The following KCNJ6 variants were observed in gnomAD, a reference collection of about 807,000 sequenced individuals.
KCNJ6 encodes the protein potassium inwardly rectifying channel subfamily J member 6.
KCNJ6 carries 9 observed loss-of-function variants against 34.2 expected under a neutral mutation model. The ratio of observed to expected loss-of-function variants is 0.26; its 90% CI spans 0.16 to 0.46. The LOEUF (loss-of-function observed/expected upper bound fraction) is 0.46. KCNJ6 is among the 20% of genes least tolerant of loss of function. The pLI, the probability that KCNJ6 is intolerant of heterozygous loss-of-function variation, is 1.00. For missense variants in KCNJ6, 236 were observed against 531.3 expected (o/e 0.44, Z 5.46); for synonymous variants, 196 against 207.1 (o/e 0.95, Z 0.46).
In KCNJ6 at chr21:37,617,104, C is replaced by CTT. The variant is rs1201944717; in HGVS notation, c.*8053_*8054dup. ...TTCTTTTTCTTTCTTTCTTTTCTTT[C>CTT]TTTCTTTCCTTCTTCCTTCCTTCCT... On this transcript the variant is annotated 3_prime_UTR_variant, in exon 4 of 4. Transcript: ENST00000609713. 6.7e-5 allele frequency: 9 copies of CTT among 134,730 alleles called. No homozygotes were observed. The highest frequency in any genetic ancestry group is 2.5e-4 in the African/African-American group (9 of 35,570). The allele number at this position is 134,730 out of a possible 1,614,324, so 8.3% of individuals were successfully genotyped here. A position where few individuals can be genotyped will look rare whatever the true frequency, so the allele number is the denominator to read the frequency against.
chr21:37,906,773 C>A (rs2123650623), intron 1 of KCNJ6, among the ~76,000 whole-genome samples: 1 of 152,316 alleles, frequency 6.6e-6, no homozygotes, highest in East Asian at 1.9e-4. Context: ...CCTAATGCGG[C>A]CTCTCTTCCA....
chr21:37,888,273 T>C (rs2055745431), intron 1 of KCNJ6, among the ~76,000 whole-genome samples: 1 of 152,218 alleles, frequency 6.6e-6, no homozygotes, highest in Non-Finnish European at 1.5e-5. Context: ...TCCCACATCA[T>C]TCTCAGTAAT....
intron 3 of KCNJ6, among the ~76,000 whole-genome samples, chr21:37,683,504 G>A (rs2054599132): frequency 6.6e-6 from 1 of 152,142 alleles, no homozygotes; most frequent in African/African-American, 2.4e-5. Context: ...TAAGCCCACT[G>A]GCTTCTTTAG....
At chr21:37,911,316 A>ACT (rs5843881) in intron 1 of KCNJ6, among the ~76,000 whole-genome samples, 51,971 of 151,968 alleles carry the variant, frequency 0.34, 13,177 homozygotes, top group African/African-American at 0.69. Context: ...TAAAAAGAAA[A>ACT]CTAACTCAAC....
Position 37,714,362 on chromosome 21 carries a change from G to T in KCNJ6, c.795C>A (p.Tyr265Ter). The T allele has an allele frequency of 6.2e-7, 1 of 1,614,142 alleles. No homozygotes were observed. Among genetic ancestry groups the T allele is most frequent in the Non-Finnish European group, 8.5e-7 (1 of 1,180,000 alleles). The change falls in exon 3 of 4, where the codon TAC (tyrosine) becomes TAA (stop). Residue 265 changes from tyrosine (Y) to a stop codon, truncating the protein, a stop_gained. Coordinates refer to ENST00000609713, the MANE Select transcript of KCNJ6 (RefSeq NM_002240.5). LOFTEE classifies it high-confidence loss of function. The surrounding 1 kb of genome is among the most constrained non-coding windows in gnomAD (Gnocchi z 5.9). ...LNQTDINVGYYTGDDRLFLVS... is the reference protein window; with the variant it reads ...LNQTDINVGY Reference sequence around the variant, plus strand: ...CCAGAAACAGACGGTCATCCCCCGTGTAATACCCTACGTTGATATCCGTCT... The same window carrying T: ...CCAGAAACAGACGGTCATCCCCCGTTTAATACCCTACGTTGATATCCGTCT...
At chr21:37,788,517 G>T (rs2055202431) in intron 2 of KCNJ6, among the ~76,000 whole-genome samples, 1 of 152,274 alleles carries the variant, frequency 6.6e-6, no homozygotes, top group African/African-American at 2.4e-5. Flanking sequence ...TTTATGACCT[G>T]TGCAATGTGG....
At chr21:37,914,043 GTGTGTGTC>G (rs1476875925) in intron 1 of KCNJ6, among the ~76,000 whole-genome samples, 6 of 151,240 alleles carry the variant, frequency 4.0e-5, no homozygotes, top group Non-Finnish European at 8.8e-5. Context: ...GTGTGTGTGT[GTGTGTGTC>G]TGTGCGCGCG....
chr21:37,784,609 G>C (rs2055184555), intron 2 of KCNJ6, among the ~76,000 whole-genome samples: 1 of 152,130 alleles, frequency 6.6e-6, no homozygotes, highest in African/African-American at 2.4e-5. Context: ...AGCACCCCAT[G>C]AGCTTGCAAA....
At chr21:37,807,782 T>C (rs766147991) in intron 2 of KCNJ6, among the ~76,000 whole-genome samples, 6 of 152,228 alleles carry the variant, frequency 3.9e-5, no homozygotes. Context: ...CATAATCTTA[T>C]ACCCATTTCA....
intron 3 of KCNJ6, among the ~76,000 whole-genome samples, chr21:37,673,758 A>G (rs2054552200): frequency 6.6e-6 from 1 of 152,204 alleles, no homozygotes; most frequent in African/African-American, 2.4e-5. Flanking sequence ...TGAAGCAGGG[A>G]AGTCTTTACA....
chr21:37,648,169 A>AG (rs34757570), intron 3 of KCNJ6, among the ~76,000 whole-genome samples: 47,787 of 152,006 alleles, frequency 0.31, 7,942 homozygotes, highest in East Asian at 0.46. Context: ...CTGAGCATGC[A>AG]GGTGTAAAAC....
chr21:37,901,887 TAC>T (rs1001599957), intron 1 of KCNJ6, among the ~76,000 whole-genome samples: 5 of 152,228 alleles, frequency 3.3e-5, no homozygotes, highest in African/African-American at 1.2e-4. Context: ...AATTGTTTAT[TAC>T]AGTTTTTCAT....
chr21:37,782,659 G>C (rs190908701), intron 2 of KCNJ6, among the ~76,000 whole-genome samples: 103 of 152,260 alleles, frequency 6.8e-4, no homozygotes, highest in African/African-American at 2.0e-3. Context: ...CAGAAAATCT[G>C]TATTGCTACT....
chr21:37,718,273 T>C (rs770535598), intron 2 of KCNJ6, among the ~76,000 whole-genome samples: 2 of 152,230 alleles, frequency 1.3e-5, no homozygotes, highest in African/African-American at 4.8e-5. Flanking sequence ...CTGCTATCTA[T>C]CTGTCTAGAA....
chr21:37,693,446 C>A (rs534843212), intron 3 of KCNJ6, among the ~76,000 whole-genome samples: 3 of 152,112 alleles, frequency 2.0e-5, no homozygotes, highest in African/African-American at 7.2e-5. Context: ...GGAGGAGAAC[C>A]AGGAAATCAA....
intron 2 of KCNJ6, among the ~76,000 whole-genome samples, chr21:37,724,925 G>C (rs377441965): frequency 9.2e-5 from 14 of 152,134 alleles, no homozygotes; most frequent in African/African-American, 3.4e-4. Flanking sequence ...AACTACAGAA[G>C]TGTAAGATGT....
rs61515420 is a variant in KCNJ6 at position 37,614,646 on chromosome 21, A to G, written c.*10513T>C. The G allele has an allele frequency of 0.82, 118,198 of 144,168 alleles. 48,308 individuals carry two copies. The highest frequency in any genetic ancestry group is 0.89 in the African/African-American group (34,440 of 38,502). 8.9% of individuals were successfully genotyped at this position (144,168 alleles called of 1,614,324 possible). A position where few individuals can be genotyped will look rare whatever the true frequency, so the allele number is the denominator to read the frequency against. ...TATGCATATGTCTGTGTGTGTATGC[A>G]CGTGTGTGTATGCATGTGTCTCTGT... On this transcript the variant is annotated 3_prime_UTR_variant, in exon 4 of 4. Transcript: ENST00000609713.
intron 1 of KCNJ6, among the ~76,000 whole-genome samples, chr21:37,854,541 T>A (rs377151856): frequency 1.4e-4 from 22 of 152,258 alleles, no homozygotes; most frequent in African/African-American, 5.3e-4. Flanking sequence ...CAAAAATACA[T>A]TTAGATAGAA....
intron 1 of KCNJ6, among the ~76,000 whole-genome samples, chr21:37,846,527 A>G (rs927819055): frequency 6.6e-6 from 1 of 150,754 alleles, no homozygotes; most frequent in Non-Finnish European, 1.5e-5. Context: ...AGCTGGCAGA[A>G]CCCAGTGAGG....
Sources: allele counts gnomAD v4.1 joint callset (sites outside exome capture counted in the v4.1 genomes callset), GRCh38; gene constraint gnomAD v4.1.1; non-coding constraint Gnocchi (gnomAD v3.1); transcripts MANE v1.5; gene names NCBI Gene and HGNC (gene_info 2026-07-23, HGNC 2026-07-21).